Variants in TLK2 observed in about 807,000 individuals in gnomAD.
TLK2 encodes serine/threonine-protein kinase tousled-like 2.
TLK2 carries 6 observed loss-of-function variants against 117.3 expected under a neutral mutation model. The observed-to-expected ratio is 0.05, with a 90% confidence interval of 0.03 to 0.10. The LOEUF is 0.10. Ranked by LOEUF, TLK2 falls within the 10% of genes least tolerant of loss-of-function variation. The pLI is 1.00. For synonymous variants in TLK2, 257 were observed against 316.7 expected, an observed-to-expected ratio of 0.81 and a Z score of 2.00; for missense variants, 299 against 901.2, an observed-to-expected ratio of 0.33 and a Z score of 8.56.
At chr17:62,494,171 C>T (rs866184531) in intron 2 of TLK2, among the ~76,000 whole-genome samples, 3 of 152,156 alleles carry the variant, frequency 2.0e-5, no homozygotes, top group African/African-American at 7.2e-5. Context: ...TAACCTCCGT[C>T]TCCTGGGTTC....
intron 7 of TLK2, among the ~76,000 whole-genome samples, chr17:62,544,130 A>G (rs1320098436): frequency 1.3e-5 from 2 of 152,322 alleles, no homozygotes; most frequent in East Asian, 3.9e-4. Flanking sequence ...TCAAAAATGA[A>G]CTGACTTACA....
At chr17:62,513,318 C>CTTT (rs35309536) in intron 2 of TLK2, among the ~76,000 whole-genome samples, 23 of 99,852 alleles carry the variant, frequency 2.3e-4, no homozygotes, top group African/African-American at 5.2e-4. Context: ...ATTAAATTGC[C>CTTT]TTTTTTTTTT....
intron 9 of TLK2, among the ~76,000 whole-genome samples, chr17:62,556,210 C>T (rs1269735649): frequency 2.0e-5 from 3 of 152,104 alleles, no homozygotes; most frequent in Non-Finnish European, 4.4e-5. Flanking sequence ...TCACTGCGCT[C>T]GGCCTATATT....
intron 2 of TLK2, chr17:62,516,565 T>C: frequency 3.7e-6 from 6 of 1,609,478 alleles, no homozygotes; most frequent in Non-Finnish European, 5.1e-6. Flanking sequence ...AAGGTACCAG[T>C]AGAAATGTCT....
intron 2 of TLK2, among the ~76,000 whole-genome samples, chr17:62,518,996 C>T (rs1165189411): frequency 2.0e-5 from 3 of 152,166 alleles, no homozygotes; most frequent in Non-Finnish European, 4.4e-5. Context: ...GCGATCTGCC[C>T]ACCTCAGCCT....
At chr17:62,483,356 TCAA>T (rs1306520823) in intron 2 of TLK2, among the ~76,000 whole-genome samples, 19 of 152,210 alleles carry the variant, frequency 1.2e-4, no homozygotes, top group Non-Finnish European at 1.6e-4. Flanking sequence ...TGAGTGACAT[TCAA>T]CATGTTGCTG....
intron 10 of TLK2, among the ~76,000 whole-genome samples, chr17:62,562,253 T>G (rs942776228): frequency 3.3e-5 from 5 of 152,056 alleles, no homozygotes; most frequent in African/African-American, 1.2e-4. Context: ...TTAGCTACTC[T>G]GGAGGCTGAG....
intron 2 of TLK2, chr17:62,516,185 A>G (rs1366698035): frequency 2.1e-5 from 12 of 581,858 alleles, no homozygotes; most frequent in Non-Finnish European, 3.7e-5. Flanking sequence ...TCGGCCTCCC[A>G]AAGTGCTGGG....
At chr17:62,473,830 C>T, upstream of TLK2, among the ~76,000 whole-genome samples, 1 of 152,150 alleles carries the variant, frequency 6.6e-6, no homozygotes, top group Non-Finnish European at 1.5e-5. Flanking sequence ...ACAATATGGC[C>T]CGCAAAGCCT....
chr17:62,519,490 T>C (rs979642621), intron 2 of TLK2, among the ~76,000 whole-genome samples: 32 of 152,284 alleles, frequency 2.1e-4, no homozygotes, highest in Admixed American at 2.0e-3. Context: ...TCCATATGCA[T>C]GTTAGAATTT....
At chr17:62,501,525 G>A (rs2074195357) in intron 2 of TLK2, among the ~76,000 whole-genome samples, 1 of 151,850 alleles carries the variant, frequency 6.6e-6, no homozygotes, top group Non-Finnish European at 1.5e-5. Flanking sequence ...TTGAGTCTAG[G>A]AGTTTGAGAC....
chr17:62,606,287 G>A (rs1555664964), intron 20 of TLK2, 46 bp downstream of exon 20: 23 of 1,169,864 alleles, frequency 2.0e-5, no homozygotes, highest in South Asian at 4.4e-5. Flanking sequence ...TTCTTGGGTG[G>A]CACACACACA....
chr17:62,509,004 A>G (rs578066084), intron 2 of TLK2, among the ~76,000 whole-genome samples: 102 of 152,288 alleles, frequency 6.7e-4, no homozygotes, highest in Non-Finnish European at 1.3e-3. Flanking sequence ...AGACTCCTGT[A>G]ACCAAGAAAA....
chr17:62,600,954 A>G, intron 18 of TLK2, 134 bp downstream of exon 18: 4 of 897,466 alleles, frequency 4.5e-6, no homozygotes, highest in Non-Finnish European at 6.6e-6. Context: ...TTGCCTGGGT[A>G]GGTGTGGGAA....
At chr17:62,594,490 G>A (rs1290485879) in intron 16 of TLK2, among the ~76,000 whole-genome samples, 1 of 152,108 alleles carries the variant, frequency 6.6e-6, no homozygotes, top group Non-Finnish European at 1.5e-5. Context: ...AGGGAAACAA[G>A]GTGTAACAAA....
At chr17:62,537,945 A>G (rs1252420219) in intron 7 of TLK2, among the ~76,000 whole-genome samples, 3 of 151,644 alleles carry the variant, frequency 2.0e-5, no homozygotes, top group South Asian at 4.2e-4. Flanking sequence ...GCAGTATGCT[A>G]TAGTATTGTT....
At chr17:62,588,333 A>G (rs1265343777) in intron 16 of TLK2, among the ~76,000 whole-genome samples, 2 of 152,156 alleles carry the variant, frequency 1.3e-5, no homozygotes, top group African/African-American at 4.8e-5. Context: ...GAGGAGTGGA[A>G]GCCGGGCCTT....
At position 62,585,341 on chromosome 17, in the gene TLK2, C is replaced by T. The variant is rs111475766; in HGVS notation, c.1369-794C>T. Among the ~76,000 whole-genome samples, 565 of 152,308 alleles carry T rather than the reference C, an allele frequency of 3.7e-3. 2 individuals carry two copies. Among genetic ancestry groups the T allele is most frequent in the African/African-American group, 0.013 (525 of 41,566 alleles). On this transcript the variant is annotated intron_variant, in intron 15 of 21. Transcript: ENST00000346027. ...GGCGGATCGCCTGAGGTCAGGAGAC[C>T]AGCCTGACCAACATGGTGAAACCCC...
chr17:62,508,294 A>G (rs1029006172), intron 2 of TLK2: 3 of 369,434 alleles, frequency 8.1e-6, no homozygotes, highest in African/African-American at 6.6e-5. Flanking sequence ...CAAGTAACAG[A>G]CTATTTTACT....
Sources: gnomAD v4.1 joint callset for allele counts (sites outside exome capture counted in the v4.1 genomes callset) on GRCh38, gnomAD v4.1.1 for gene constraint, MANE v1.5 for transcripts, NCBI Gene and HGNC (gene_info 2026-07-23, HGNC 2026-07-21) for gene names.